The following SPHKAP variants were observed in gnomAD, a reference collection of about 807,000 sequenced individuals.
The protein encoded by SPHKAP is SPHK1 interactor, AKAP domain containing.
Under a neutral mutation model 137.5 loss-of-function variants are expected in SPHKAP, and 67 were observed. That is an observed-to-expected ratio of 0.49 (90% confidence interval 0.40 to 0.60). The LOEUF is 0.60. SPHKAP is among the 20% of genes least tolerant of loss of function. The pLI is 0.00. For missense variants in SPHKAP, 2,097 were observed against 2,069.3 expected (o/e 1.01, Z -0.26); for synonymous variants, 813 against 785.3 (o/e 1.04, Z -0.59).
chr2:228,121,590 A>T (rs993861068), intron 2 of SPHKAP, among the ~76,000 whole-genome samples: 4 of 152,190 alleles, frequency 2.6e-5, no homozygotes, highest in Admixed American at 6.5e-5. Context: ...GCTACAGGAA[A>T]CAACTGCCTT....
At chr2:228,091,062 T>G (rs1479082565) in intron 3 of SPHKAP, among the ~76,000 whole-genome samples, 1 of 152,146 alleles carries the variant, frequency 6.6e-6, no homozygotes, top group Non-Finnish European at 1.5e-5. Flanking sequence ...AAGTCAGAGT[T>G]TGTAATACTG....
intron 3 of SPHKAP, among the ~76,000 whole-genome samples, chr2:228,055,328 G>A (rs1020238514): frequency 2.6e-5 from 4 of 152,078 alleles, no homozygotes; most frequent in East Asian, 1.9e-4. Context: ...CAGATAATGA[G>A]CATATTAAAA....
At chr2:228,150,582 ATTG>A (rs1699897779) in intron 1 of SPHKAP, among the ~76,000 whole-genome samples, 1 of 152,008 alleles carries the variant, frequency 6.6e-6, no homozygotes, top group East Asian at 1.9e-4. Context: ...ATGTTATATT[ATTG>A]ATAATACTTT....
chr2:228,107,428 A>G (rs1016239790), intron 3 of SPHKAP, among the ~76,000 whole-genome samples: 2 of 152,106 alleles, frequency 1.3e-5, no homozygotes, highest in African/African-American at 4.8e-5. Flanking sequence ...GATTAGGGAG[A>G]ATCATAAAGG....
At chr2:228,115,198 C>T (rs1449727421) in intron 2 of SPHKAP, among the ~76,000 whole-genome samples, 9 of 152,124 alleles carry the variant, frequency 5.9e-5, no homozygotes, top group African/African-American at 1.4e-4. Flanking sequence ...TGCAGAGTCT[C>T]AGGGAATTAA....
chr2:228,167,041 C>A (rs1700442290), intron 1 of SPHKAP, among the ~76,000 whole-genome samples: 2 of 152,092 alleles, frequency 1.3e-5, no homozygotes, highest in African/African-American at 4.8e-5. Flanking sequence ...GAGGATGGTG[C>A]TAAACCATTC....
intron 7 of SPHKAP, among the ~76,000 whole-genome samples, chr2:228,008,962 T>C (rs1406075154): frequency 6.6e-6 from 1 of 152,214 alleles, no homozygotes; most frequent in Non-Finnish European, 1.5e-5. Context: ...TTCTTGGTCT[T>C]TTGGTCTCCA....
chr2:228,037,012 A>G (rs1313294146), intron 3 of SPHKAP, among the ~76,000 whole-genome samples: 3 of 152,142 alleles, frequency 2.0e-5, no homozygotes, highest in Non-Finnish European at 4.4e-5. Context: ...GTGCGCATGT[A>G]CCCTAAAACT....
At chr2:228,021,003 C>T (rs1465852053) in intron 6 of SPHKAP, among the ~76,000 whole-genome samples, 2 of 152,102 alleles carry the variant, frequency 1.3e-5, no homozygotes, top group Admixed American at 1.3e-4. Context: ...ACGGCAACCT[C>T]AGTAGTGGGA....
intron 3 of SPHKAP, among the ~76,000 whole-genome samples, chr2:228,095,761 C>T (rs970497347): frequency 2.6e-5 from 4 of 151,730 alleles, no homozygotes; most frequent in Middle Eastern, 3.4e-3. Flanking sequence ...GTTGGAGAAA[C>T]GTAAGTATTT....
At chr2:227,982,258 C>G (rs1288395753) in intron 11 of SPHKAP, 2 of 985,132 alleles carry the variant, frequency 2.0e-6, no homozygotes, top group Admixed American at 1.2e-4. Context: ...AATAAGATCT[C>G]ATTGGGTGTG....
At chr2:228,129,152 T>C (rs941446471) in intron 2 of SPHKAP, among the ~76,000 whole-genome samples, 5 of 152,162 alleles carry the variant, frequency 3.3e-5, no homozygotes, top group Admixed American at 6.5e-5. Flanking sequence ...CGAAGATCAC[T>C]GGTAACAGAT....
chr2:228,104,367 T>C (rs1477114546), intron 3 of SPHKAP, among the ~76,000 whole-genome samples: 3 of 144,372 alleles, frequency 2.1e-5, no homozygotes, highest in African/African-American at 5.1e-5. Context: ...ATAATATAAA[T>C]ATCATTATAT....
intron 2 of SPHKAP, among the ~76,000 whole-genome samples, chr2:228,110,398 T>A (rs745437737): frequency 6.6e-6 from 1 of 152,160 alleles, no homozygotes; most frequent in Non-Finnish European, 1.5e-5. Flanking sequence ...TTAATAAATT[T>A]TCATCATTCT....
At position 228,161,512 on chromosome 2, in the gene SPHKAP, C is replaced by T. The variant is rs138200719; in HGVS notation, c.32+20055G>A. Among the ~76,000 whole-genome samples the T allele has an allele frequency of 2.3e-4, 35 of 152,164 alleles. No homozygotes were observed. In the East Asian group the frequency reaches 5.8e-3, roughly 25 times the overall value. On this transcript the variant is annotated intron_variant, in intron 1 of 11. Transcript: ENST00000392056. ...AAGTGGGAGCTTAACAATGAGAACA[C>T]GTGGACACAGGGAGGGGAACAATAC...
rs547042951 is a variant in SPHKAP, at chr2:228,077,884, C to T, written c.246+30948G>A. 1.3e-4 allele frequency among the ~76,000 whole-genome samples: 20 copies of T among 152,274 alleles called. 1 individual carries two copies. The South Asian group carries it at 3.3e-3, about 25-fold the overall frequency. On this transcript the variant is annotated intron_variant, in intron 3 of 11. Coordinates refer to ENST00000392056, the MANE Select transcript of SPHKAP (RefSeq NM_001142644.2). Reference sequence around the variant, plus strand: ...TGAATTGTAACTCCTACAATTCCCACGTGTTGTGGGAGGAACCCAGTGGGA... The same window carrying T: ...TGAATTGTAACTCCTACAATTCCCATGTGTTGTGGGAGGAACCCAGTGGGA...
intron 1 of SPHKAP, among the ~76,000 whole-genome samples, chr2:228,139,271 A>G (rs1024112829): frequency 6.6e-6 from 1 of 152,146 alleles, no homozygotes. Flanking sequence ...ATATTGTTCA[A>G]TTAATGCTTT....
chr2:228,132,120 G>C (rs1167218074), intron 1 of SPHKAP, 35 bp from the exon 2 acceptor site: 1 of 1,495,826 alleles, frequency 6.7e-7, no homozygotes, highest in East Asian at 2.3e-5. Flanking sequence ...ACACATTCCA[G>C]TGAGTCATAT....
At chr2:228,085,239 T>C (rs1028327291) in intron 3 of SPHKAP, among the ~76,000 whole-genome samples, 1 of 152,232 alleles carries the variant, frequency 6.6e-6, no homozygotes, top group African/African-American at 2.4e-5. Flanking sequence ...TAAATATCAC[T>C]GTTAACTTTA....
Sources: gnomAD v4.1 joint callset for allele counts (sites outside exome capture counted in the v4.1 genomes callset) on GRCh38, gnomAD v4.1.1 for gene constraint, MANE v1.5 for transcripts, NCBI Gene and HGNC (gene_info 2026-07-23, HGNC 2026-07-21) for gene names.